Variants in CNTN5 observed in about 807,000 individuals in gnomAD.
CNTN5 encodes the protein contactin-5.
Under a neutral mutation model 129.1 loss-of-function variants are expected in CNTN5, and 77 were observed. That is an observed-to-expected ratio of 0.60 (90% CI 0.50 to 0.72). The LOEUF is 0.72. Ranked by LOEUF, CNTN5 falls within the 30% of genes least tolerant of loss-of-function variation. CNTN5 has a pLI of 0.00. For synonymous variants in CNTN5, 509 were observed against 465.6 expected (o/e 1.09, Z -1.20); for missense variants, 1,478 against 1,328.8 (o/e 1.11, Z -1.75).
At chr11:100,204,917 C>T (rs894336444) in intron 15 of CNTN5, among the ~76,000 whole-genome samples, 11 of 151,450 alleles carry the variant, frequency 7.3e-5, no homozygotes, top group Admixed American at 1.3e-4. Context: ...TGATGAAATG[C>T]GTAATATAAT....
chr11:99,028,928 T>A (rs555142789), intron 1 of CNTN5, among the ~76,000 whole-genome samples: 13 of 151,844 alleles, frequency 8.6e-5, no homozygotes, highest in Non-Finnish European at 1.6e-4. Flanking sequence ...GTAAACATTA[T>A]TTTAATAATT....
In CNTN5 at chr11:99,862,531, C is replaced by A. The variant is rs1487565947; in HGVS notation, c.577+17269C>A. 2.0e-5 allele frequency among the ~76,000 whole-genome samples: 3 copies of A among 152,004 alleles called. No homozygotes were observed. The East Asian group carries it at 5.8e-4, about 29-fold the overall frequency. On this transcript the variant is annotated intron_variant, in intron 6 of 24. Transcript: ENST00000524871. ...GGAGTAGAAAAAACAACAAAACAGC[C>A]ATGTATGCTGTACTAACTCCTATAC...
intron 16 of CNTN5, among the ~76,000 whole-genome samples, chr11:100,232,151 C>CA (rs911421490): frequency 2.1e-4 from 31 of 150,174 alleles, no homozygotes; most frequent in Non-Finnish European, 3.0e-4. Flanking sequence ...GAGACTGTCT[C>CA]AAAAAAAACA....
At chr11:100,151,571 A>G (rs752508802) in intron 13 of CNTN5, among the ~76,000 whole-genome samples, 1 of 152,170 alleles carries the variant, frequency 6.6e-6, no homozygotes, top group Non-Finnish European at 1.5e-5. Context: ...AACCCGGTAC[A>G]TCGACTTATA....
At chr11:99,076,781 T>G (rs1272292468) in intron 1 of CNTN5, among the ~76,000 whole-genome samples, 1 of 152,204 alleles carries the variant, frequency 6.6e-6, no homozygotes, top group Non-Finnish European at 1.5e-5. Context: ...CAATCTTATT[T>G]GTATGAATTT....
intron 1 of CNTN5, among the ~76,000 whole-genome samples, chr11:99,071,554 AG>A (rs1211192847): frequency 6.6e-6 from 1 of 152,188 alleles, no homozygotes; most frequent in African/African-American, 2.4e-5. Context: ...TTACAGTAAA[AG>A]TTACAATTAG....
chr11:99,739,375 A>G (rs1483877604), intron 3 of CNTN5, among the ~76,000 whole-genome samples: 1 of 152,142 alleles, frequency 6.6e-6, no homozygotes, highest in South Asian at 2.1e-4. Context: ...AAAGAAGTAC[A>G]TAGTAGGGAA....
At chr11:99,084,970 A>T (rs2846728) in intron 1 of CNTN5, among the ~76,000 whole-genome samples, 2 of 152,180 alleles carry the variant, frequency 1.3e-5, no homozygotes, top group Non-Finnish European at 2.9e-5. Flanking sequence ...TAATTGTGGC[A>T]AAGTTTAATT....
At chr11:100,308,042 A>G (rs1383880832) in intron 20 of CNTN5, among the ~76,000 whole-genome samples, 1 of 151,762 alleles carries the variant, frequency 6.6e-6, no homozygotes, top group East Asian at 1.9e-4. Flanking sequence ...CACTGACTCC[A>G]TAGTCCATTT....
At chr11:99,108,922 A>G (rs1591204058) in intron 1 of CNTN5, among the ~76,000 whole-genome samples, 2 of 152,028 alleles carry the variant, frequency 1.3e-5, no homozygotes, top group East Asian at 1.9e-4. Context: ...GATTATATCA[A>G]CTAAGTAAAT....
intron 13 of CNTN5, among the ~76,000 whole-genome samples, chr11:100,095,757 C>G (rs1257449150): frequency 6.6e-6 from 1 of 152,082 alleles, no homozygotes; most frequent in Non-Finnish European, 1.5e-5. Flanking sequence ...GATGGTTTCT[C>G]AAGCTGGGAG....
intron 2 of CNTN5, among the ~76,000 whole-genome samples, chr11:99,375,965 A>G (rs1940154437): frequency 1.3e-5 from 2 of 152,218 alleles, no homozygotes; most frequent in Non-Finnish European, 1.5e-5. Flanking sequence ...TCATAAAATT[A>G]CCTGGATTGC....
rs200310476 is a variant in CNTN5 at position 100,224,826 on chromosome 11, T to C, written c.2005+14T>C. The C allele has an allele frequency of 1.9e-6, 3 of 1,611,936 alleles. No homozygotes were observed. The highest frequency in any genetic ancestry group is 2.2e-5 in the East Asian group (1 of 44,854). ...TTCTTGTTAGGGGTGAGTATGCTAA[T>C]AGTGCAGTCTGAAGACATGATCACC... is the stretch of plus-strand genomic sequence containing the variant. On this transcript the variant is annotated intron_variant, in intron 16 of 24. Transcript: ENST00000524871.
At chr11:99,573,213 C>G (rs1690804) in intron 3 of CNTN5, among the ~76,000 whole-genome samples, 140,236 of 151,850 alleles carry the variant, frequency 0.92, 65,181 homozygotes, top group Non-Finnish European at 0.99. Context: ...TTACATAATA[C>G]TCTTTTTATG....
intron 8 of CNTN5, among the ~76,000 whole-genome samples, chr11:99,959,832 A>G (rs1859691056): frequency 6.6e-6 from 1 of 152,214 alleles, no homozygotes; most frequent in South Asian, 2.1e-4. Flanking sequence ...TCGTTCAGTA[A>G]CAGTCTTATT....
At chr11:99,832,023 A>G (rs950113041) in intron 4 of CNTN5, among the ~76,000 whole-genome samples, 1 of 152,126 alleles carries the variant, frequency 6.6e-6, no homozygotes, top group African/African-American at 2.4e-5. Context: ...CTCCTTTGCA[A>G]AACTTCTTGA....
At chr11:100,032,145 T>C (rs17622133) in intron 9 of CNTN5, among the ~76,000 whole-genome samples, 1 of 152,082 alleles carries the variant, frequency 6.6e-6, no homozygotes, top group Non-Finnish European at 1.5e-5. Context: ...GTGAGAGATA[T>C]AACTTTACTT....
At chr11:100,222,399 T>C (rs373046675) in intron 15 of CNTN5, among the ~76,000 whole-genome samples, 1 of 152,274 alleles carries the variant, frequency 6.6e-6, no homozygotes, top group South Asian at 2.1e-4. Context: ...TTACATCTCT[T>C]CTTTATCTGA....
chr11:99,252,724 ATTC>A (rs1373707062), intron 1 of CNTN5, among the ~76,000 whole-genome samples: 9 of 151,900 alleles, frequency 5.9e-5, no homozygotes, highest in Non-Finnish European at 1.0e-4. Flanking sequence ...CAGGATTTTG[ATTC>A]TTTATATTTT....
Sources: allele counts gnomAD v4.1 joint callset (sites outside exome capture counted in the v4.1 genomes callset), GRCh38; gene constraint gnomAD v4.1.1; transcripts MANE v1.5; gene names NCBI Gene and HGNC (gene_info 2026-07-23, HGNC 2026-07-21).